The following GRM7 variants were observed in gnomAD, a reference collection of about 807,000 sequenced individuals.
GRM7 encodes the protein metabotropic glutamate receptor 7.
Under a neutral mutation model 84.5 loss-of-function variants are expected in GRM7, and 35 were observed. That is an observed-to-expected ratio of 0.41 (90% CI 0.32 to 0.55). GRM7 has a LOEUF of 0.55. GRM7 is among the 20% of genes least tolerant of loss of function. GRM7 has a pLI of 0.19. For missense variants in GRM7, 1,003 were observed against 1,194.6 expected, an observed-to-expected ratio of 0.84 and a Z score of 2.36; for synonymous variants, 487 against 455.1, an observed-to-expected ratio of 1.07 and a Z score of -0.89.
At chr3:7,337,582 A>G (rs1477779912) in intron 4 of GRM7, among the ~76,000 whole-genome samples, 4 of 152,106 alleles carry the variant, frequency 2.6e-5, no homozygotes, top group South Asian at 2.1e-4. Flanking sequence ...TAATCCCATT[A>G]AAAAGTGGGC....
intron 8 of GRM7, among the ~76,000 whole-genome samples, chr3:7,628,175 C>T (rs1408207560): frequency 1.3e-5 from 2 of 152,110 alleles, no homozygotes; most frequent in Non-Finnish European, 2.9e-5. Context: ...TTCTTCTCTT[C>T]CACTTAAAAT....
At chr3:7,069,046 G>A (rs1697769179) in intron 1 of GRM7, among the ~76,000 whole-genome samples, 1 of 148,526 alleles carries the variant, frequency 6.7e-6, no homozygotes, top group African/African-American at 2.5e-5. Context: ...ATACGATGAT[G>A]ATATACATAA....
At chr3:7,301,280 A>C (rs1360687301) in intron 3 of GRM7, among the ~76,000 whole-genome samples, 1 of 152,058 alleles carries the variant, frequency 6.6e-6, no homozygotes, top group African/African-American at 2.4e-5. Flanking sequence ...CCTTAAATAT[A>C]TTATTTCTCT....
At chr3:7,199,439 A>G (rs1002645790) in intron 2 of GRM7, among the ~76,000 whole-genome samples, 3 of 152,238 alleles carry the variant, frequency 2.0e-5, no homozygotes, top group East Asian at 1.9e-4. Context: ...CTGACCCACA[A>G]AAAAATTCCG....
intron 9 of GRM7, among the ~76,000 whole-genome samples, chr3:7,733,669 G>C (rs1044517155): frequency 1.1e-4 from 17 of 152,136 alleles, no homozygotes; most frequent in Admixed American, 7.2e-4. Flanking sequence ...AGATGGAGTT[G>C]CCCTGGTTCA....
intron 1 of GRM7, among the ~76,000 whole-genome samples, chr3:7,146,172 T>G (rs2125066263): frequency 6.6e-6 from 1 of 152,312 alleles, no homozygotes; most frequent in African/African-American, 2.4e-5. Flanking sequence ...CTTTTTCTTC[T>G]AAACAACCAT....
intron 7 of GRM7, among the ~76,000 whole-genome samples, chr3:7,573,780 A>G (rs1039724465): frequency 6.6e-6 from 1 of 152,226 alleles, no homozygotes; most frequent in African/African-American, 2.4e-5. Flanking sequence ...TTTTCTGAGC[A>G]TTCTCAGGAG....
chr3:7,563,481 G>T, intron 7 of GRM7, among the ~76,000 whole-genome samples: 1 of 152,116 alleles, frequency 6.6e-6, no homozygotes, highest in East Asian at 1.9e-4. Flanking sequence ...AGATGGCAAA[G>T]ATGAAATGCT....
chr3:7,452,925 A>C, intron 6 of GRM7, 118 bp downstream of exon 6: 1 of 658,432 alleles, frequency 1.5e-6, no homozygotes, highest in South Asian at 2.0e-5. Context: ...CTTGATTATA[A>C]AACTTTAAAT....
At chr3:7,306,749 A>G (rs1331728682) in intron 4 of GRM7, 97 bp downstream of exon 4, 5 of 1,020,720 alleles carry the variant, frequency 4.9e-6, no homozygotes, top group Non-Finnish European at 5.7e-6. Flanking sequence ...CATTTTTACC[A>G]AACTCATGTG....
intron 7 of GRM7, among the ~76,000 whole-genome samples, chr3:7,573,558 C>T (rs1694810916): frequency 6.6e-6 from 1 of 152,194 alleles, no homozygotes; most frequent in South Asian, 2.1e-4. Context: ...AAGACAGCAA[C>T]TAATTTAGTT....
intron 1 of GRM7, among the ~76,000 whole-genome samples, chr3:6,887,675 G>A (rs978826555): frequency 5.3e-5 from 8 of 152,106 alleles, no homozygotes; most frequent in African/African-American, 9.7e-5. Context: ...ATTGTGAAGA[G>A]TGCTGCAATA....
At chr3:6,927,149 T>C (rs1419731979) in intron 1 of GRM7, among the ~76,000 whole-genome samples, 1 of 152,094 alleles carries the variant, frequency 6.6e-6, no homozygotes, top group Non-Finnish European at 1.5e-5. Flanking sequence ...AAAATGAAGC[T>C]GGGCATGGTG....
At chr3:6,976,911 T>C (rs977039643) in intron 1 of GRM7, among the ~76,000 whole-genome samples, 1 of 152,172 alleles carries the variant, frequency 6.6e-6, no homozygotes, top group African/African-American at 2.4e-5. Context: ...TAACTCATAG[T>C]TCTACCCCAT....
intron 2 of GRM7, among the ~76,000 whole-genome samples, chr3:7,260,541 A>T (rs2124957092): frequency 6.6e-6 from 1 of 152,270 alleles, no homozygotes; most frequent in Non-Finnish European, 1.5e-5. Context: ...TGGGGTCAGT[A>T]GTAACGTCCC....
At chr3:7,457,009 A>G (rs1191798263) in intron 6 of GRM7, among the ~76,000 whole-genome samples, 2 of 152,202 alleles carry the variant, frequency 1.3e-5, no homozygotes, top group Non-Finnish European at 2.9e-5. Context: ...CCAAGACTCC[A>G]TAGCTAGCAA....
intron 1 of GRM7, among the ~76,000 whole-genome samples, chr3:7,090,050 C>T (rs914115882): frequency 1.7e-4 from 26 of 152,026 alleles, no homozygotes; most frequent in African/African-American, 6.0e-4. Flanking sequence ...ACCATGTTGG[C>T]CAGGCCAGTC....
At chr3:7,630,642 T>A (rs574903063) in intron 8 of GRM7, among the ~76,000 whole-genome samples, 2 of 152,312 alleles carry the variant, frequency 1.3e-5, no homozygotes, top group African/African-American at 4.8e-5. Context: ...ACTGCCTCTG[T>A]TTCCCATGAG....
Position 7,228,992 on chromosome 3 carries a change from A to G in GRM7, c.737-69692A>G, listed in dbSNP as rs139458714. ...TGTTTTTACACAAAATGAAAATATC[A>G]AGCTTTTTCTTTCAAAACCTCATAT... is the stretch of plus-strand genomic sequence containing the variant. On this transcript the variant is annotated intron_variant, in intron 2 of 9. Coordinates refer to ENST00000357716, the MANE Select transcript of GRM7 (RefSeq NM_000844.4). Among the ~76,000 whole-genome samples the G allele has an allele frequency of 3.9e-3, 595 of 152,338 alleles. 5 individuals are homozygous for G. The highest frequency in any genetic ancestry group is 7.0e-3 in the Non-Finnish European group (477 of 68,036).
Sources: allele counts gnomAD v4.1 joint callset (sites outside exome capture counted in the v4.1 genomes callset), GRCh38; gene constraint gnomAD v4.1.1; transcripts MANE v1.5; gene names NCBI Gene and HGNC (gene_info 2026-07-23, HGNC 2026-07-21).